Variants in RIMS1 observed in about 807,000 individuals in gnomAD.
The protein encoded by RIMS1 is regulating synaptic membrane exocytosis 1.
RIMS1 carries 83 observed loss-of-function variants against 214.1 expected under a neutral mutation model. That is an observed-to-expected ratio of 0.39 (90% CI 0.32 to 0.47). RIMS1 has a LOEUF of 0.47. RIMS1 is among the 20% of genes least tolerant of loss of function. The pLI, the probability that RIMS1 is intolerant of heterozygous loss-of-function variation, is 0.99. For missense variants in RIMS1, 2,050 were observed against 2,161.8 expected (o/e 0.95, Z 1.03); for synonymous variants, 793 against 786.8 (o/e 1.01, Z -0.13).
At chr6:71,887,396 C>G (rs1274080555) in intron 1 of RIMS1, among the ~76,000 whole-genome samples, 1 of 152,114 alleles carries the variant, frequency 6.6e-6, no homozygotes, top group South Asian at 2.1e-4. Flanking sequence ...GCCACAGATC[C>G]AGGAACCCAA....
chr6:72,221,942 A>T (rs1026664736), intron 6 of RIMS1, among the ~76,000 whole-genome samples: 2 of 152,040 alleles, frequency 1.3e-5, no homozygotes, highest in African/African-American at 4.8e-5. Context: ...GATTGGTGAT[A>T]TTATTAGGTC....
intron 1 of RIMS1, among the ~76,000 whole-genome samples, chr6:71,935,062 G>GA (rs891262965): frequency 2.8e-4 from 43 of 152,146 alleles, no homozygotes; most frequent in Admixed American, 1.2e-3. Context: ...TTTGAGTGGG[G>GA]AAAAAATATA....
At chr6:72,261,880 A>G in intron 19 of RIMS1, 5 of 985,278 alleles carry the variant, frequency 5.1e-6, no homozygotes, top group Non-Finnish European at 6.0e-6. Context: ...CTGAGAAAAA[A>G]ATGTAAAATC....
At chr6:71,936,859 G>A (rs145843186) in intron 1 of RIMS1, among the ~76,000 whole-genome samples, 1,548 of 152,320 alleles carry the variant, frequency 0.01, 19 homozygotes, top group Non-Finnish European at 0.012. Flanking sequence ...CACTCCCCAC[G>A]TCCTTTTACA....
chr6:72,181,645 A>G (rs1295278188), intron 5 of RIMS1, among the ~76,000 whole-genome samples: 1 of 152,228 alleles, frequency 6.6e-6, no homozygotes, highest in Non-Finnish European at 1.5e-5. Context: ...ATAAATTCAC[A>G]GGAAAGCAAT....
intron 6 of RIMS1, among the ~76,000 whole-genome samples, chr6:72,214,044 T>C (rs1164000049): frequency 6.6e-6 from 1 of 152,190 alleles, no homozygotes; most frequent in Non-Finnish European, 1.5e-5. Flanking sequence ...TTTTCTACTT[T>C]TACCTAGACA....
intron 2 of RIMS1, among the ~76,000 whole-genome samples, chr6:72,072,515 G>C (rs1321422503): frequency 6.6e-6 from 1 of 152,168 alleles, no homozygotes; most frequent in East Asian, 1.9e-4. Flanking sequence ...GAGGTTCTAG[G>C]TAATGAAACA....
rs367844006 is a variant in RIMS1 at position 71,969,067 on chromosome 6, A to T, written c.245+4A>T. 6.2e-7 allele frequency: 1 copy of T among 1,613,624 alleles called. No individual in the cohort carries two copies. Among genetic ancestry groups the T allele is most frequent in the Non-Finnish European group, 8.5e-7 (1 of 1,179,642 alleles). Reference sequence around the variant, plus strand: ...ACCAGCCCCACCAACCTTCACCGTGAGTATGGCATTGGTTTTATTGACTGA... The same window carrying T: ...ACCAGCCCCACCAACCTTCACCGTGTGTATGGCATTGGTTTTATTGACTGA... On this transcript the variant is annotated splice_donor_region_variant and intron_variant, in intron 2 of 33. Coordinates refer to ENST00000521978, the MANE Select transcript of RIMS1 (RefSeq NM_014989.7).
chr6:72,361,727 C>T (rs2097833741), intron 29 of RIMS1, among the ~76,000 whole-genome samples: 1 of 152,188 alleles, frequency 6.6e-6, no homozygotes, highest in African/African-American at 2.4e-5. Flanking sequence ...CATTCCTTGG[C>T]TTCTTTTATC....
intron 4 of RIMS1, among the ~76,000 whole-genome samples, chr6:72,152,739 A>G (rs1173964745): frequency 7.2e-6 from 1 of 138,466 alleles, no homozygotes; most frequent in South Asian, 2.2e-4. Flanking sequence ...TATGGAATAT[A>G]TGTATATATA....
chr6:72,178,475 A>G (rs543265759), intron 4 of RIMS1, among the ~76,000 whole-genome samples: 2 of 152,268 alleles, frequency 1.3e-5, no homozygotes, highest in East Asian at 3.9e-4. Flanking sequence ...TCCTGATGCA[A>G]TATTTTTGAG....
chr6:72,374,751 T>G (rs761562007), intron 29 of RIMS1, among the ~76,000 whole-genome samples: 7 of 152,164 alleles, frequency 4.6e-5, no homozygotes, highest in Non-Finnish European at 8.8e-5. Flanking sequence ...GTGCATTACT[T>G]TTATTATGCC....
chr6:72,265,401 C>T lies in RIMS1; in HGVS notation c.3206C>T (p.Pro1069Leu). 3 of 1,584,458 alleles carry T rather than the reference C, an allele frequency of 1.9e-6. No individual in the cohort carries two copies. The highest frequency in any genetic ancestry group is 2.3e-5 in the South Asian group (2 of 87,480). The change falls in exon 21 of 34, where the codon CCT becomes CTT. Residue 1069 changes from proline to leucine, a missense_variant. Around this residue, in one of 6 missense-constraint regions of RIMS1, gnomAD observed 889 missense variants for 885.5 expected, o/e 1.00. Transcript: ENST00000521978. The stretch of plus-strand genomic sequence containing the variant: ...TTTAATTTGTGGAGCTCAATTCTGC[C>T]TGCACATACTAAGACCAAATCAGTG... Reference protein sequence around the residue: ...SHWNIYSSILPAHTKTKSVTR... With the variant: ...SHWNIYSSILLAHTKTKSVTR...
Position 72,237,916 on chromosome 6 carries a change from A to G in RIMS1, c.1951A>G (p.Arg651Gly). 1 of 1,603,664 alleles carries G rather than the reference A, an allele frequency of 6.2e-7. No homozygotes were observed. The highest frequency in any genetic ancestry group is 1.1e-5 in the South Asian group (1 of 88,896). ...GSLADVVGHLRAGDEVLEWNG... is the reference protein window; with the variant it reads ...GSLADVVGHLGAGDEVLEWNG... ...CCTAGCAGATGTAGTTGGACACCTAAGAGCAGGTAAAGTTTCTTTTTTTAA... is the reference window on the plus strand; with the variant it reads ...CCTAGCAGATGTAGTTGGACACCTAGGAGCAGGTAAAGTTTCTTTTTTTAA... The change falls in exon 9 of 34, where the codon AGA becomes GGA. Residue 651 changes from arginine (R) to glycine (G), a missense_variant. Physicochemically the swap from Arg to Gly is moderately radical, Grantham distance 125. Around this residue, in one of 6 missense-constraint regions of RIMS1, gnomAD observed 111 missense variants for 166.2 expected, o/e 0.67. Transcript: ENST00000521978.
intron 6 of RIMS1, among the ~76,000 whole-genome samples, chr6:72,191,024 C>A (rs2049986568): frequency 6.6e-6 from 1 of 152,236 alleles, no homozygotes; most frequent in Non-Finnish European, 1.5e-5. Flanking sequence ...AGGCTCCAAA[C>A]AGCATCTCTA....
chr6:72,010,230 A>C (rs1185498334), intron 2 of RIMS1, among the ~76,000 whole-genome samples: 1 of 152,210 alleles, frequency 6.6e-6, no homozygotes, highest in African/African-American at 2.4e-5. Flanking sequence ...GAAAAAAAAC[A>C]CATGATTATC....
At position 72,391,341 on chromosome 6, in the gene RIMS1, C is replaced by T. The variant is rs1284476212; in HGVS notation, c.4505+605C>T. Among the ~76,000 whole-genome samples the T allele has an allele frequency of 3.4e-5, 5 of 149,006 alleles. No individual in the cohort carries two copies. The South Asian group carries it at 8.4e-4, about 25-fold the overall frequency. The stretch of plus-strand genomic sequence containing the variant: ...ACGATTTTTAAAAATTTACTCTTTT[C>T]GATTCTTTTTCTTTTTTTTTTTTTT... On this transcript the variant is annotated intron_variant, in intron 30 of 33. Coordinates refer to ENST00000521978, the MANE Select transcript of RIMS1 (RefSeq NM_014989.7).
chr6:72,050,477 T>C (rs896175827), intron 2 of RIMS1, among the ~76,000 whole-genome samples: 4 of 152,210 alleles, frequency 2.6e-5, no homozygotes, highest in African/African-American at 9.6e-5. Context: ...CCCAAGTTTC[T>C]TCCTTCCACA....
chr6:72,116,238 T>A (rs754915068), intron 4 of RIMS1, among the ~76,000 whole-genome samples: 1 of 151,946 alleles, frequency 6.6e-6, no homozygotes, highest in Non-Finnish European at 1.5e-5. Flanking sequence ...ACCAGTTCTC[T>A]TACTGTTTGG....
Sources: allele counts gnomAD v4.1 joint callset (sites outside exome capture counted in the v4.1 genomes callset), GRCh38; gene constraint gnomAD v4.1.1; regional missense constraint gnomAD v4.1.1; transcripts MANE v1.5; gene names NCBI Gene and HGNC (gene_info 2026-07-23, HGNC 2026-07-21).